Variants in MCM8 observed in about 807,000 individuals in gnomAD.
The protein encoded by MCM8 is DNA helicase MCM8.
Under a neutral mutation model 98.9 loss-of-function variants are expected in MCM8, and 85 were observed. The observed-to-expected ratio is 0.86, with a 90% CI of 0.72 to 1.03. The LOEUF (loss-of-function observed/expected upper bound fraction) is 1.03, where lower values mean the gene tolerates loss of function less well. MCM8 is among the 50% of genes least tolerant of loss of function. The pLI is 0.00. For missense variants in MCM8, 951 were observed against 997.8 expected, an observed-to-expected ratio of 0.95 and a Z score of 0.63; for synonymous variants, 352 against 338.6, an observed-to-expected ratio of 1.04 and a Z score of -0.44.
Position 5,952,026 on chromosome 20 carries a change from A to C in MCM8, c.11A>C (p.Glu4Ala), listed in dbSNP as rs1462409830. The C allele has an allele frequency of 6.2e-7, 1 of 1,612,556 alleles. No individual in the cohort carries two copies. Among genetic ancestry groups the C allele is most frequent in the Admixed American group, 1.7e-5 (1 of 59,750 alleles). The part of the protein sequence containing the change: MNG[E>A]YRGRGFGRGR... ...TATCTTTTAGGAGAGATGAATGGAG[A>C]GTATAGAGGCAGAGGATTTGGACGA... is the stretch of plus-strand genomic sequence containing the variant. Residue 4 changes from glutamate (E) to alanine (A), a missense_variant, in exon 2 of 19, where the codon GAG (glutamate) becomes GCG (alanine). Coordinates refer to ENST00000610722, the MANE Select transcript of MCM8 (RefSeq NM_032485.6).
At chr20:5,953,440 T>G (rs11905754) in intron 3 of MCM8, among the ~76,000 whole-genome samples, 1,257 of 15,502 alleles carry the variant, frequency 0.081, 14 homozygotes, top group African/African-American at 0.14. Flanking sequence ...TCATGAGGGG[T>G]GTGTGTGTGT....
chr20:5,953,693 T>G (rs968337197), intron 3 of MCM8, among the ~76,000 whole-genome samples: 13 of 152,028 alleles, frequency 8.6e-5, no homozygotes, highest in African/African-American at 1.2e-4. Flanking sequence ...TAGGATGGTC[T>G]TGATCTCCTG....
Position 5,952,071 on chromosome 20 carries a change from A to G in MCM8, c.56A>G (p.Lys19Arg). 1 of 1,614,154 alleles carries G rather than the reference A, an allele frequency of 6.2e-7. No homozygotes were observed. Among genetic ancestry groups the G allele is most frequent in the Non-Finnish European group, 8.5e-7 (1 of 1,180,008 alleles). ...GFGRGRFQSW[K>R]RGRGGGNFSG... ...GGACGAGGAAGATTTCAAAGCTGGAAAAGGGGAAGAGGTGGTGGGAACTTC... is the reference window on the plus strand; with the variant it reads ...GGACGAGGAAGATTTCAAAGCTGGAGAAGGGGAAGAGGTGGTGGGAACTTC... Residue 19 changes from lysine (K) to arginine (R), a missense_variant, in exon 2 of 19, where the codon AAA becomes AGA. Lys to Arg is a conservative substitution (Grantham distance 26, BLOSUM62 2). Transcript: ENST00000610722.
Position 5,952,408 on chromosome 20 carries a change from A to G in MCM8, c.149-16A>G, listed in dbSNP as rs763396477. ...TTCACTCTGTTTCTACTAACCTAGT[A>G]TTTTATTTTTTTCAGAACAAACCCC... On this transcript the variant is annotated splice_polypyrimidine_tract_variant and intron_variant, in intron 2 of 18. Coordinates refer to ENST00000610722, the MANE Select transcript of MCM8 (RefSeq NM_032485.6). 4 of 1,610,966 alleles carry G rather than the reference A, an allele frequency of 2.5e-6. No individual in the cohort carries two copies. The highest frequency in any genetic ancestry group is 3.4e-6 in the Non-Finnish European group (4 of 1,178,104).
At position 5,952,155 on chromosome 20, in the gene MCM8, G is replaced by A. The variant is rs780816612; in HGVS notation, c.140G>A (p.Arg47His). Reference sequence around the variant, plus strand: ...GATCTGAGTAAAACCACAGGAAAACGTACTTCTGGTAGGTGAGGTCAATGA... The same window carrying A: ...GATCTGAGTAAAACCACAGGAAAACATACTTCTGGTAGGTGAGGTCAATGA... The part of the protein sequence containing the change: ...RPDLSKTTGK[R>H]TSEQTPQFLL... The change falls in exon 2 of 19, where the codon CGT becomes CAT. Residue 47 changes from arginine to histidine, a missense_variant. Arg to His is a conservative substitution (Grantham distance 29). Coordinates refer to ENST00000610722, the MANE Select transcript of MCM8 (RefSeq NM_032485.6). The A allele has an allele frequency of 6.8e-6, 11 of 1,613,142 alleles. No homozygotes were observed. The highest frequency in any genetic ancestry group is 1.6e-4 in the Middle Eastern group (1 of 6,082).
intron 10 of MCM8, among the ~76,000 whole-genome samples, chr20:5,969,929 A>G (rs981880592): frequency 2.0e-5 from 3 of 152,172 alleles, no homozygotes; most frequent in Admixed American, 2.0e-4. Context: ...GAACATTTTT[A>G]GTGGTCCCTC....
At chr20:5,977,115 G>A (rs549878099) in intron 12 of MCM8, among the ~76,000 whole-genome samples, 36 of 152,208 alleles carry the variant, frequency 2.4e-4, no homozygotes, top group Non-Finnish European at 2.2e-4. Flanking sequence ...CAAAAATAAT[G>A]ATAATTACTA....
rs116681891 is a variant in MCM8 at position 5,990,034 on chromosome 20, T to A, written c.2240+2676T>A. ...AATTTCTAACAACTTACCTTCTGTGTCTAAGTATCCTATTGGTATGGCATC... is the reference window on the plus strand; with the variant it reads ...AATTTCTAACAACTTACCTTCTGTGACTAAGTATCCTATTGGTATGGCATC... On this transcript the variant is annotated intron_variant, in intron 17 of 18. Coordinates refer to ENST00000610722, the MANE Select transcript of MCM8 (RefSeq NM_032485.6). 5.6e-3 allele frequency among the ~76,000 whole-genome samples: 845 copies of A among 152,158 alleles called. 10 individuals are homozygous for A. The highest frequency in any genetic ancestry group is 0.019 in the African/African-American group (801 of 41,550).
At position 5,993,708 on chromosome 20, in the gene MCM8, A is replaced by G. The variant is rs572505843; in HGVS notation, c.2430+13A>G. ...ACTAAACATTCAGGTATGTTAAACT[A>G]GTTAATCTCTTTTGTAATAATTTCA... On this transcript the variant is annotated intron_variant, in intron 18 of 18. Transcript: ENST00000610722. 8 of 1,557,164 alleles carry G rather than the reference A, an allele frequency of 5.1e-6. No homozygotes were observed. Among genetic ancestry groups the G allele is most frequent in the Non-Finnish European group, 7.0e-6 (8 of 1,144,948 alleles).
chr20:5,967,475 T>A lies in MCM8; in HGVS notation c.915T>A (p.Gly305=). 1 of 1,614,072 alleles carries A rather than the reference T, an allele frequency of 6.2e-7. No individual in the cohort carries two copies. Among genetic ancestry groups the A allele is most frequent in the Non-Finnish European group, 8.5e-7 (1 of 1,179,942 alleles). ...TGTCTGATGATCAGAGAGAAGCAGG[T>A]CGGATTCCACGAACAATAGAATGTG... ...ELMSDDQREA[G]RIPRTIECEL... Residue 305 remains glycine (G), a synonymous_variant, in exon 9 of 19, where the codon GGT becomes GGA. Coordinates refer to ENST00000610722, the MANE Select transcript of MCM8 (RefSeq NM_032485.6).
chr20:5,972,826 C>A, intron 11 of MCM8: 1 of 1,398,986 alleles, frequency 7.1e-7, no homozygotes, highest in South Asian at 1.4e-5. Flanking sequence ...TGCAAGGTAG[C>A]TCTTAGTAAT....
rs1156248908 is a variant in MCM8, at chr20:5,974,113, G to A, written c.1395+917G>A. 2.6e-5 allele frequency among the ~76,000 whole-genome samples: 4 copies of A among 152,102 alleles called. No individual in the cohort carries two copies. In the East Asian group the frequency reaches 7.7e-4, roughly 29 times the overall value. On this transcript the variant is annotated intron_variant, in intron 12 of 18. Coordinates refer to ENST00000610722, the MANE Select transcript of MCM8 (RefSeq NM_032485.6). ...TGTAGTTTCCTTAAAGTGACAACCG[G>A]TAAGCCAGCCGTAATGTGCTTTCTA...
At chr20:5,952,291 A>G in intron 2 of MCM8, 128 bp downstream of exon 2, 1 of 1,556,588 alleles carries the variant, frequency 6.4e-7, no homozygotes, top group South Asian at 1.2e-5. Flanking sequence ...AAGTATTTGA[A>G]CATTGATGTC....
intron 6 of MCM8, among the ~76,000 whole-genome samples, chr20:5,957,844 A>G (rs974111632): frequency 2.0e-5 from 3 of 152,232 alleles, no homozygotes; most frequent in African/African-American, 7.2e-5. Context: ...AAGATTTTAA[A>G]TTCATTAGAA....
At chr20:5,954,756 T>C (rs1280326084) in intron 4 of MCM8, 66 bp downstream of exon 4, 13 of 973,080 alleles carry the variant, frequency 1.3e-5, no homozygotes, top group Non-Finnish European at 2.1e-5. Flanking sequence ...GAGGTACTTG[T>C]GATTATGATC....
intron 3 of MCM8, among the ~76,000 whole-genome samples, chr20:5,952,920 G>A (rs990272646): frequency 2.0e-5 from 3 of 152,206 alleles, no homozygotes; most frequent in Admixed American, 6.5e-5. Flanking sequence ...AGAGGTCACA[G>A]CATAGCTGTT....
intron 2 of MCM8, 23 bp downstream of exon 2, chr20:5,952,186 C>A (rs893607144): frequency 1.9e-6 from 3 of 1,608,182 alleles, no homozygotes; most frequent in East Asian, 2.2e-5. Flanking sequence ...AATGATTGTT[C>A]AATTTTTTTC....
intron 17 of MCM8, chr20:5,991,556 C>T (rs1449354867): frequency 6.6e-6 from 1 of 152,134 alleles, no homozygotes; most frequent in Non-Finnish European, 1.5e-5. Flanking sequence ...AGTATGTTTA[C>T]TGGCATTCAT....
intron 10 of MCM8, among the ~76,000 whole-genome samples, chr20:5,970,229 A>G (rs2089373677): frequency 6.6e-6 from 1 of 152,228 alleles, no homozygotes. Flanking sequence ...AGCTGAAAAT[A>G]CTTTCTGGCC....
Sources: gnomAD v4.1 joint callset for allele counts (sites outside exome capture counted in the v4.1 genomes callset) on GRCh38, gnomAD v4.1.1 for gene constraint, MANE v1.5 for transcripts, NCBI Gene and HGNC (gene_info 2026-07-23, HGNC 2026-07-21) for gene names.